The following NFIL3 variants were observed in gnomAD, a reference collection of about 807,000 sequenced individuals.
NFIL3 encodes the protein nuclear factor interleukin-3-regulated protein.
A neutral mutation model predicts 10.0 loss-of-function variants in NFIL3; 5 were observed. That is an observed-to-expected ratio of 0.50 (90% CI 0.26 to 1.06). NFIL3 has a LOEUF of 1.06. NFIL3 is among the 50% of genes least tolerant of loss of function. The pLI is 0.13. For missense variants in NFIL3, 436 were observed against 547.6 expected, an observed-to-expected ratio of 0.80 and a Z score of 2.03; for synonymous variants, 202 against 206.5, an observed-to-expected ratio of 0.98 and a Z score of 0.19.
chr9:91,431,229 A>C, the NFIL3 span, among the ~76,000 whole-genome samples: 1 of 152,152 alleles, frequency 6.6e-6, no homozygotes, highest in Non-Finnish European at 1.5e-5. Flanking sequence ...TTTTTCCCCC[A>C]AATGTCACAC....
At chr9:91,425,723 C>T (rs921770781), upstream of NFIL3, among the ~76,000 whole-genome samples, 1 of 152,204 alleles carries the variant, frequency 6.6e-6, no homozygotes, top group South Asian at 2.1e-4. Context: ...AAGGATCCTC[C>T]GGCCACAGCC....
intron 1 of NFIL3, among the ~76,000 whole-genome samples, chr9:91,420,076 G>A (rs1833731063): frequency 6.6e-6 from 1 of 152,084 alleles, no homozygotes; most frequent in Non-Finnish European, 1.5e-5. Flanking sequence ...TATGGCAATT[G>A]TCACGTCATT....
At chr9:91,415,375 AT>A (rs1267610084) in intron 1 of NFIL3, among the ~76,000 whole-genome samples, 1 of 152,206 alleles carries the variant, frequency 6.6e-6, no homozygotes, top group African/African-American at 2.4e-5. Context: ...CAATTTTCAG[AT>A]AAGAAAACTA....
At chr9:91,482,839 G>T in the NFIL3 span, among the ~76,000 whole-genome samples, 1 of 152,088 alleles carries the variant, frequency 6.6e-6, no homozygotes, top group African/African-American at 2.4e-5. Context: ...AAATAAGTTG[G>T]ACTCTAGAGT....
rs536246657 is a variant in NFIL3 at position 91,423,204 on chromosome 9, C to T, written c.-173+436G>A. 3.9e-5 allele frequency among the ~76,000 whole-genome samples: 6 copies of T among 152,260 alleles called. No individual in the cohort carries two copies. In the South Asian group the frequency reaches 1.0e-3, roughly 26 times the overall value. The stretch of plus-strand genomic sequence containing the variant: ...AAGACTATTCCCCATTCCTCAACCC[C>T]CCATTCCTCTCCCCCCTACGCCGCC... On this transcript the variant is annotated intron_variant, in intron 1 of 1. Transcript: ENST00000297689.
At chr9:91,480,423 A>G in the NFIL3 span, among the ~76,000 whole-genome samples, 9 of 152,310 alleles carry the variant, frequency 5.9e-5, no homozygotes, top group South Asian at 1.9e-3. Flanking sequence ...TACTAGTAGC[A>G]TTCAAGTGCA....
chr9:91,422,289 CA>C, intron 1 of NFIL3, among the ~76,000 whole-genome samples: 1 of 152,296 alleles, frequency 6.6e-6, no homozygotes. Flanking sequence ...CTTGTATTTG[CA>C]CACAGCCCTG....
chr9:91,417,596 G>C (rs1004569357), intron 1 of NFIL3, among the ~76,000 whole-genome samples: 1 of 152,102 alleles, frequency 6.6e-6, no homozygotes, highest in Non-Finnish European at 1.5e-5. Context: ...CACTATACAT[G>C]TACAACCCAG....
Position 91,410,648 on chromosome 9 carries a change from A to T in NFIL3, c.87T>A (p.Asn29Lys). 6.2e-7 allele frequency: 1 copy of T among 1,614,200 alleles called. No homozygotes were observed. Among genetic ancestry groups the T allele is most frequent in the Non-Finnish European group, 8.5e-7 (1 of 1,180,034 alleles). Residue 29 changes from asparagine (N) to lysine (K), a missense_variant, in exon 2 of 2, where the codon AAT (asparagine) becomes AAA (lysine). Asn to Lys is a moderately conservative substitution (Grantham distance 94). Transcript: ENST00000297689. This position sits in a 1 kb window ranked among gnomAD's most constrained non-coding sequence, Gnocchi z 5.7. Reference sequence around the variant, plus strand: ...CTTCTGACACTTCCGTTAAAGCAGAATTAAGGACCATCATCTTGTCCACAT... The same window carrying T: ...CTTCTGACACTTCCGTTAAAGCAGATTTAAGGACCATCATCTTGTCCACAT... ...SSNVDKMMVL[N>K]SALTEVSEDS...
the NFIL3 span, among the ~76,000 whole-genome samples, chr9:91,434,899 G>A: frequency 4.9e-3 from 746 of 152,312 alleles, 1 homozygote; most frequent in Non-Finnish European, 7.1e-3. Flanking sequence ...CCATAGGCCT[G>A]TAGTTTGCCA....
the NFIL3 span, among the ~76,000 whole-genome samples, chr9:91,431,558 C>G: frequency 3.9e-5 from 6 of 152,292 alleles, no homozygotes; most frequent in East Asian, 1.2e-3. Context: ...CACATGCTCT[C>G]CTGTGCTATT....
the NFIL3 span, among the ~76,000 whole-genome samples, chr9:91,429,993 C>G: frequency 6.6e-6 from 1 of 152,078 alleles, no homozygotes; most frequent in Non-Finnish European, 1.5e-5. Flanking sequence ...TAGTATCAAT[C>G]TCAACTTGTT....
At chr9:91,448,493 G>A in the NFIL3 span, among the ~76,000 whole-genome samples, 3 of 152,116 alleles carry the variant, frequency 2.0e-5, no homozygotes, top group African/African-American at 7.2e-5. Flanking sequence ...CACCTCTGAT[G>A]GAAGACATTA....
chr9:91,427,643 GTTGTTT>G (rs947387005), upstream of NFIL3, among the ~76,000 whole-genome samples: 125 of 135,938 alleles, frequency 9.2e-4, no homozygotes, highest in Admixed American at 1.6e-3. Flanking sequence ...TGTTGTTGTT[GTTGTTT>G]TTGTTTTTGA....
At chr9:91,483,485 G>A in the NFIL3 span, among the ~76,000 whole-genome samples, 3 of 152,126 alleles carry the variant, frequency 2.0e-5, no homozygotes, top group Non-Finnish European at 4.4e-5. Flanking sequence ...TTGAAATGAG[G>A]ACACGAGGAA....
At chr9:91,428,487 G>A (rs539097719), upstream of NFIL3, among the ~76,000 whole-genome samples, 2 of 152,260 alleles carry the variant, frequency 1.3e-5, no homozygotes, top group East Asian at 3.9e-4. Context: ...TAGCATGCTT[G>A]GCCTTCTTTT....
intron 1 of NFIL3, among the ~76,000 whole-genome samples, chr9:91,412,098 CAAAA>C (rs56891881): frequency 2.9e-4 from 22 of 76,842 alleles, no homozygotes; most frequent in South Asian, 1.5e-3. Flanking sequence ...AAGACTCTGT[CAAAA>C]AAAAAAAAAA....
chr9:91,422,115 T>C (rs1042919267), intron 1 of NFIL3, among the ~76,000 whole-genome samples: 2 of 152,220 alleles, frequency 1.3e-5, no homozygotes, highest in South Asian at 2.1e-4. Flanking sequence ...GGCCATTCCC[T>C]GCTGTTCTCA....
chr9:91,421,673 A>G (rs890878341), intron 1 of NFIL3, among the ~76,000 whole-genome samples: 2 of 152,068 alleles, frequency 1.3e-5, no homozygotes, highest in African/African-American at 4.8e-5. Flanking sequence ...CGCGGCCCCT[A>G]CAGGCCTGGG....
Sources: gnomAD v4.1 joint callset for allele counts (sites outside exome capture counted in the v4.1 genomes callset) on GRCh38, gnomAD v4.1.1 for gene constraint, Gnocchi (gnomAD v3.1) non-coding constraint, MANE v1.5 for transcripts, NCBI Gene and HGNC (gene_info 2026-07-23, HGNC 2026-07-21) for gene names.